Variants in CHL1 observed in about 807,000 individuals in gnomAD.
CHL1 encodes the protein neural cell adhesion molecule L1-like protein.
A neutral mutation model predicts 141.9 loss-of-function variants in CHL1; 96 were observed. The observed-to-expected ratio is 0.68, with a 90% CI of 0.57 to 0.80. The LOEUF (loss-of-function observed/expected upper bound fraction) is 0.80. CHL1 is among the 30% of genes least tolerant of loss of function. CHL1 has a pLI of 0.00. For synonymous variants in CHL1, 613 were observed against 502.2 expected, an observed-to-expected ratio of 1.22 and a Z score of -2.95; for missense variants, 1,820 against 1,457.2, an observed-to-expected ratio of 1.25 and a Z score of -4.05.
chr3:357,523 A>C (rs914115028), intron 11 of CHL1, among the ~76,000 whole-genome samples: 1 of 152,186 alleles, frequency 6.6e-6, no homozygotes, highest in Non-Finnish European at 1.5e-5. Context: ...ACCCAGGTAC[A>C]TTTAAAACCA....
At chr3:362,220 T>A (rs966455092) in intron 13 of CHL1, among the ~76,000 whole-genome samples, 2 of 152,210 alleles carry the variant, frequency 1.3e-5, no homozygotes, top group Non-Finnish European at 2.9e-5. Context: ...TTTTCCAGCA[T>A]TCATTTTGAT....
At chr3:289,709 C>G (rs1033564578) in intron 2 of CHL1, among the ~76,000 whole-genome samples, 1 of 151,690 alleles carries the variant, frequency 6.6e-6, no homozygotes, top group African/African-American at 2.4e-5. Context: ...TTATTTAATA[C>G]ATATTGATTT....
At chr3:349,206 G>A (rs1285845935) in intron 9 of CHL1, among the ~76,000 whole-genome samples, 153 bp from the exon 10 acceptor site, 1 of 152,152 alleles carries the variant, frequency 6.6e-6, no homozygotes, top group African/African-American at 2.4e-5. Flanking sequence ...TGTTGGTGGT[G>A]GGTGTGTCTG....
At chr3:324,441 T>G (rs957645391) in intron 3 of CHL1, among the ~76,000 whole-genome samples, 3 of 152,054 alleles carry the variant, frequency 2.0e-5, no homozygotes, top group Non-Finnish European at 4.4e-5. Context: ...TGAAAAATAT[T>G]GAGTGCTCAT....
At chr3:398,887 C>A in intron 25 of CHL1, 130 bp from the exon 26 acceptor site, 1 of 714,068 alleles carries the variant, frequency 1.4e-6, no homozygotes, top group Non-Finnish European at 2.3e-6. Context: ...AAATTGCATT[C>A]CTTCTGGGGT....
chr3:395,879 A>G (rs1708627484), intron 24 of CHL1, among the ~76,000 whole-genome samples: 1 of 152,186 alleles, frequency 6.6e-6, no homozygotes, highest in African/African-American at 2.4e-5. Flanking sequence ...AGTAGAGAAA[A>G]TGCAGTTGCC....
intron 10 of CHL1, among the ~76,000 whole-genome samples, chr3:351,377 T>C (rs1287859740): frequency 1.3e-5 from 2 of 152,320 alleles, no homozygotes; most frequent in East Asian, 3.9e-4. Context: ...TAAATGTACC[T>C]TCAGTTGTAT....
intron 15 of CHL1, among the ~76,000 whole-genome samples, chr3:375,704 C>G (rs1329497982): frequency 1.3e-5 from 2 of 152,050 alleles, no homozygotes; most frequent in African/African-American, 4.8e-5. Flanking sequence ...GCTGTATGCA[C>G]TAATCACTTT....
intron 24 of CHL1, among the ~76,000 whole-genome samples, chr3:396,083 T>C (rs1326558421): frequency 6.6e-6 from 1 of 152,220 alleles, no homozygotes; most frequent in Non-Finnish European, 1.5e-5. Context: ...AAGCCCTTTA[T>C]GTGGGAAAAT....
Position 290,382 on chromosome 3 carries a change from C to G in CHL1, c.-94-29301C>G, listed in dbSNP as rs573272307. Among the ~76,000 whole-genome samples, 108 of 152,026 alleles carry G rather than the reference C, an allele frequency of 7.1e-4. 3 individuals carry two copies. The South Asian group carries it at 0.019, about 27-fold the overall frequency. On this transcript the variant is annotated intron_variant, in intron 2 of 27. Transcript: ENST00000256509. ...AATTTGGAGTACAAATTAATATTAG[C>G]AAATAGCTGTATTTGCAAATATGGA... is the stretch of plus-strand genomic sequence containing the variant.
chr3:314,536 G>C (rs1387729516), intron 2 of CHL1, among the ~76,000 whole-genome samples: 2 of 151,548 alleles, frequency 1.3e-5, no homozygotes, highest in Non-Finnish European at 1.5e-5. Flanking sequence ...GCTGAACTTA[G>C]CCAGTCTTGA....
rs993256626 is a variant in CHL1, at chr3:398,910, T to G, written c.3254-107T>G. On this transcript the variant is annotated intron_variant, in intron 25 of 27. Transcript: ENST00000256509. Reference sequence around the variant, plus strand: ...TTCCTTCTGGGGTCATTAAAAAAACTGATACTATTTGGTATGTTTAAAAAT... The same window carrying G: ...TTCCTTCTGGGGTCATTAAAAAAACGGATACTATTTGGTATGTTTAAAAAT... 1.7e-5 allele frequency: 17 copies of G among 997,178 alleles called. No homozygotes were observed. In the African/African-American group the frequency reaches 2.1e-4, roughly 12 times the overall value. The allele number at this position is 997,178 out of a possible 1,614,324, so 61.8% of individuals were successfully genotyped here. A position where few individuals can be genotyped will look rare whatever the true frequency, so the allele number is the denominator to read the frequency against.
chr3:332,476 A>G (rs1485101373), intron 5 of CHL1, among the ~76,000 whole-genome samples: 1 of 152,184 alleles, frequency 6.6e-6, no homozygotes, highest in African/African-American at 2.4e-5. Flanking sequence ...CTATTTTGTA[A>G]AATGGGTAGT....
intron 2 of CHL1, among the ~76,000 whole-genome samples, chr3:252,647 A>G (rs1282146166): frequency 6.6e-6 from 1 of 151,716 alleles, no homozygotes; most frequent in African/African-American, 2.4e-5. Context: ...CTTATTTTGC[A>G]TTGCCTTACT....
At chr3:320,665 G>A (rs920084547) in intron 3 of CHL1, among the ~76,000 whole-genome samples, 2 of 151,814 alleles carry the variant, frequency 1.3e-5, no homozygotes, top group African/African-American at 2.4e-5. Context: ...GACATTGCAC[G>A]CCAACCTGGA....
chr3:261,780 GATA>G (rs1276537305), intron 2 of CHL1, among the ~76,000 whole-genome samples: 1 of 152,050 alleles, frequency 6.6e-6, no homozygotes, highest in African/African-American at 2.4e-5. Context: ...TGAATAAAAA[GATA>G]ATAATTGGGA....
intron 2 of CHL1, among the ~76,000 whole-genome samples, chr3:319,460 G>T (rs1260081361): frequency 1.3e-5 from 2 of 151,748 alleles, no homozygotes; most frequent in East Asian, 1.9e-4. Flanking sequence ...AGGATTTTTT[G>T]GAATAGTCTG....
intron 15 of CHL1, chr3:374,068 C>G (rs1356067474): frequency 1.3e-5 from 2 of 152,422 alleles, no homozygotes; most frequent in African/African-American, 2.4e-5. Flanking sequence ...TCCGCCTCCC[C>G]CAGCCCCCAC....
intron 3 of CHL1, among the ~76,000 whole-genome samples, chr3:323,832 T>C (rs73097086): frequency 1.0e-3 from 152 of 152,204 alleles, no homozygotes; most frequent in African/African-American, 3.5e-3. Flanking sequence ...GCCACTGCAC[T>C]GCAGCCTGCA....
Sources: allele counts gnomAD v4.1 joint callset (sites outside exome capture counted in the v4.1 genomes callset), GRCh38; gene constraint gnomAD v4.1.1; transcripts MANE v1.5; gene names NCBI Gene and HGNC (gene_info 2026-07-23, HGNC 2026-07-21).